Variants in ERP44 observed in about 807,000 individuals in gnomAD.
ERP44 encodes endoplasmic reticulum resident protein 44.
ERP44 carries 25 observed loss-of-function variants against 53.4 expected under a neutral mutation model. The ratio of observed to expected loss-of-function variants is 0.47; its 90% CI spans 0.34 to 0.65. ERP44 has a LOEUF of 0.65. ERP44 is among the 30% of genes least tolerant of loss of function. ERP44 has a pLI of 0.01. For synonymous variants in ERP44, 145 were observed against 161.2 expected, an observed-to-expected ratio of 0.90 and a Z score of 0.76; for missense variants, 338 against 493.2, an observed-to-expected ratio of 0.69 and a Z score of 2.98.
At chr9:100,046,327 C>T (rs1263701689) in intron 4 of ERP44, among the ~76,000 whole-genome samples, 1 of 151,830 alleles carries the variant, frequency 6.6e-6, no homozygotes, top group African/African-American at 2.4e-5. Context: ...AGAACAACAA[C>T]AACAAAAAGA....
At chr9:100,011,441 A>C (rs1419652938) in intron 8 of ERP44, among the ~76,000 whole-genome samples, 1 of 152,248 alleles carries the variant, frequency 6.6e-6, no homozygotes, top group Non-Finnish European at 1.5e-5. Flanking sequence ...AGTGCAGTGC[A>C]CATAGAAGGG....
At chr9:100,084,320 T>A (rs781491142) in intron 1 of ERP44, among the ~76,000 whole-genome samples, 3 of 152,198 alleles carry the variant, frequency 2.0e-5, no homozygotes, top group African/African-American at 7.2e-5. Flanking sequence ...CACCAACAGA[T>A]AAAATTAGCC....
chr9:99,994,747 C>T lies in ERP44; in HGVS notation c.1017-9678G>A, dbSNP rs866095677. ...TACCTACTCTTTCACCTATACTACA[C>T]TGTATTAATTACCTTAGATTTATAT... is the stretch of plus-strand genomic sequence containing the variant. On this transcript the variant is annotated intron_variant, in intron 10 of 11. Transcript: ENST00000262455. Among the ~76,000 whole-genome samples, 21 of 152,296 alleles carry T rather than the reference C, an allele frequency of 1.4e-4. No individual in the cohort carries two copies. The Middle Eastern group carries it at 0.01, about 74-fold the overall frequency.
At chr9:100,001,538 G>T (rs1181581249) in intron 10 of ERP44, among the ~76,000 whole-genome samples, 1 of 151,974 alleles carries the variant, frequency 6.6e-6, no homozygotes, top group Non-Finnish European at 1.5e-5. Context: ...AGATATATTT[G>T]TAATTATTAT....
intron 8 of ERP44, among the ~76,000 whole-genome samples, chr9:100,010,461 C>T (rs1382866652): frequency 1.3e-5 from 2 of 152,202 alleles, no homozygotes; most frequent in Non-Finnish European, 2.9e-5. Context: ...TTAAAAACTA[C>T]CCCTGCAAGA....
chr9:100,075,644 C>T (rs1271387374), intron 1 of ERP44, among the ~76,000 whole-genome samples: 1 of 152,192 alleles, frequency 6.6e-6, no homozygotes, highest in Non-Finnish European at 1.5e-5. Context: ...CGTTCTAACT[C>T]AGTAAAATTT....
At chr9:100,064,168 T>C (rs1376200101) in intron 1 of ERP44, among the ~76,000 whole-genome samples, 1 of 152,230 alleles carries the variant, frequency 6.6e-6, no homozygotes, top group Non-Finnish European at 1.5e-5. Context: ...AATTAGTTAT[T>C]TGCACTGGTG....
intron 8 of ERP44, among the ~76,000 whole-genome samples, chr9:100,010,844 T>C (rs955893508): frequency 2.1e-4 from 31 of 146,038 alleles, no homozygotes; most frequent in Non-Finnish European, 4.5e-4. Flanking sequence ...GAGGTTACAG[T>C]GAGCCGAGAT....
At chr9:100,079,669 G>A (rs1164469241) in intron 1 of ERP44, among the ~76,000 whole-genome samples, 16 of 152,178 alleles carry the variant, frequency 1.1e-4, no homozygotes, top group African/African-American at 2.2e-4. Flanking sequence ...CAGGCCAGGA[G>A]CAGTGGCTCA....
rs988525234 is a variant in ERP44, at chr9:100,098,928, G to A, written c.-88C>T. 1.1e-5 allele frequency: 12 copies of A among 1,045,440 alleles called. No homozygotes were observed. The highest frequency in any genetic ancestry group is 9.6e-5 in the African/African-American group (6 of 62,356). 64.8% of individuals were successfully genotyped at this position (1,045,440 alleles called of 1,614,324 possible). A position where few individuals can be genotyped will look rare whatever the true frequency, so the allele number is the denominator to read the frequency against. On this transcript the variant is annotated 5_prime_UTR_variant, in exon 1 of 12. Transcript: ENST00000262455. ...GGGTTAGGAAAGGGCTGGGCTCCGGGAGCCGACGGCAGCGGAGGATTCTCC... is the reference window on the plus strand; with the variant it reads ...GGGTTAGGAAAGGGCTGGGCTCCGGAAGCCGACGGCAGCGGAGGATTCTCC...
intron 10 of ERP44, among the ~76,000 whole-genome samples, chr9:99,990,195 G>A (rs1203550942): frequency 6.6e-6 from 1 of 152,154 alleles, no homozygotes; most frequent in African/African-American, 2.4e-5. Flanking sequence ...CTCGACAAGA[G>A]CAACCCCAAG....
chr9:100,022,323 T>G lies in ERP44; in HGVS notation c.287-97A>C, dbSNP rs960075657. The G allele has an allele frequency of 7.5e-6, 7 of 937,646 alleles. No homozygotes were observed. The Admixed American group carries it at 9.2e-5, about 12-fold the overall frequency. 58.1% of individuals were successfully genotyped at this position (937,646 alleles called of 1,614,324 possible). ...ATCTTACAATTGCTTAGTGAGAACT[T>G]TTTGGTTCAAGTCATTGTTTTTCAG... On this transcript the variant is annotated intron_variant, in intron 4 of 11. Transcript: ENST00000262455.
chr9:99,997,158 TAC>T (rs1377781111), intron 10 of ERP44, among the ~76,000 whole-genome samples: 10 of 152,200 alleles, frequency 6.6e-5, no homozygotes, highest in African/African-American at 2.4e-4. Flanking sequence ...TCTGGGTAGA[TAC>T]CCAGTAGCGG....
chr9:100,061,491 AAT>A (rs1325012331), intron 1 of ERP44, among the ~76,000 whole-genome samples: 1 of 147,390 alleles, frequency 6.8e-6, no homozygotes, highest in East Asian at 1.9e-4. Flanking sequence ...AATATGTATA[AAT>A]ATATATTTAT....
chr9:100,095,330 G>T (rs965992596), intron 1 of ERP44, among the ~76,000 whole-genome samples: 4 of 152,028 alleles, frequency 2.6e-5, no homozygotes, highest in African/African-American at 7.2e-5. Flanking sequence ...CAAATTATAA[G>T]GAAAATGATG....
chr9:100,030,380 T>C (rs1825768014), intron 4 of ERP44, among the ~76,000 whole-genome samples: 1 of 151,968 alleles, frequency 6.6e-6, no homozygotes, highest in African/African-American at 2.4e-5. Flanking sequence ...CAACTCTGGG[T>C]AAGTAGTGGG....
At chr9:100,075,846 G>A (rs1456394148) in intron 1 of ERP44, among the ~76,000 whole-genome samples, 2 of 152,136 alleles carry the variant, frequency 1.3e-5, no homozygotes, top group East Asian at 1.9e-4. Flanking sequence ...AAAAGGTTGC[G>A]AGTTTTGAGT....
intron 1 of ERP44, among the ~76,000 whole-genome samples, chr9:100,064,043 C>T (rs111484867): frequency 2.7e-4 from 41 of 152,294 alleles, no homozygotes; most frequent in African/African-American, 9.4e-4. Context: ...ATGTTTTCTT[C>T]CATTAGATGG....
intron 1 of ERP44, among the ~76,000 whole-genome samples, chr9:100,061,249 T>C (rs1261540350): frequency 4.0e-5 from 6 of 151,844 alleles, no homozygotes; most frequent in Non-Finnish European, 5.9e-5. Flanking sequence ...ATCGAGACCA[T>C]CCTGGCCAAC....
Sources: gnomAD v4.1 joint callset for allele counts (sites outside exome capture counted in the v4.1 genomes callset) on GRCh38, gnomAD v4.1.1 for gene constraint, MANE v1.5 for transcripts, NCBI Gene and HGNC (gene_info 2026-07-23, HGNC 2026-07-21) for gene names.